The following VPS41 variants were observed in gnomAD, a reference collection of about 807,000 sequenced individuals.
The protein encoded by VPS41 is vacuolar protein sorting-associated protein 41 homolog.
Under a neutral mutation model 130.9 loss-of-function variants are expected in VPS41, and 85 were observed. That is an observed-to-expected ratio of 0.65 (90% CI 0.55 to 0.78). The LOEUF is 0.78. Ranked by LOEUF, VPS41 falls within the 30% of genes least tolerant of loss-of-function variation. The probability of loss-of-function intolerance (pLI) is 0.00; values close to 1 mark genes in which losing one functional copy is unlikely to be tolerated. For synonymous variants in VPS41, 335 were observed against 332.9 expected (o/e 1.01, Z -0.07); for missense variants, 874 against 1,018.7 (o/e 0.86, Z 1.93).
At chr7:38,897,664 A>C (rs1302590597) in intron 2 of VPS41, among the ~76,000 whole-genome samples, 10 of 148,812 alleles carry the variant, frequency 6.7e-5, no homozygotes, top group East Asian at 5.8e-4. Flanking sequence ...AAAAAAAAAG[A>C]AGCAAACTCC....
chr7:38,723,126 T>A lies in VPS41; in HGVS notation c.*3120A>T, dbSNP rs962573202. The stretch of plus-strand genomic sequence containing the variant: ...AAGTGTTTCATCTCTGTCGTCTTCA[T>A]ACTGAGTAGGCTGAGAAGGAGGAGG... On this transcript the variant is annotated 3_prime_UTR_variant, in exon 29 of 29. Coordinates refer to ENST00000310301, the MANE Select transcript of VPS41 (RefSeq NM_014396.4). The A allele has an allele frequency of 5.3e-5, 8 of 152,234 alleles. No homozygotes were observed. Among genetic ancestry groups the A allele is most frequent in the African/African-American group, 1.9e-4 (8 of 41,454 alleles). 9.4% of individuals were successfully genotyped at this position (152,234 alleles called of 1,614,324 possible).
At chr7:38,805,487 C>G (rs562177214) in intron 7 of VPS41, among the ~76,000 whole-genome samples, 4 of 151,662 alleles carry the variant, frequency 2.6e-5, no homozygotes, top group African/African-American at 7.3e-5. Context: ...GAGCCGAGAT[C>G]GCGCCACTGC....
At chr7:38,845,585 T>C (rs1269869840) in intron 4 of VPS41, among the ~76,000 whole-genome samples, 1 of 152,210 alleles carries the variant, frequency 6.6e-6, no homozygotes, top group African/African-American at 2.4e-5. Flanking sequence ...CTTGGACAAG[T>C]TGCACTGTGG....
intron 4 of VPS41, among the ~76,000 whole-genome samples, chr7:38,852,194 C>T (rs1202769446): frequency 6.6e-6 from 1 of 152,102 alleles, no homozygotes. Context: ...AATTAAGAAG[C>T]GAACACCACC....
Position 38,846,960 on chromosome 7 carries a change from A to G in VPS41, c.246+15585T>C, listed in dbSNP as rs1439075563. Among the ~76,000 whole-genome samples, 4 of 142,360 alleles carry G rather than the reference A, an allele frequency of 2.8e-5. No individual in the cohort carries two copies. The East Asian group carries it at 7.9e-4, about 28-fold the overall frequency. The allele number at this position is 142,360 out of a possible 152,430, so 93.4% of individuals were successfully genotyped here. A position where few individuals can be genotyped will look rare whatever the true frequency, so the allele number is the denominator to read the frequency against. ...GTCTGGAAACACAGTCTTTGCAACT[A>G]GGCAAAGTATGACTTTTTCTTGGGC... is the stretch of plus-strand genomic sequence containing the variant. On this transcript the variant is annotated intron_variant, in intron 4 of 28. Transcript: ENST00000310301.
rs1178410264 is a variant in VPS41 at position 38,774,229 on chromosome 7, C to T, written c.898G>A (p.Ala300Thr). 6.3e-7 allele frequency: 1 copy of T among 1,595,168 alleles called. No individual in the cohort carries two copies. The highest frequency in any genetic ancestry group is 1.7e-5 in the Admixed American group (1 of 59,078). The change falls in exon 12 of 29, where the codon GCC becomes ACC. Residue 300 changes from alanine to threonine, a missense_variant. By Grantham distance (58) the Ala-to-Thr change is moderately conservative (BLOSUM62 0). Transcript: ENST00000310301. ...ISEKTEREYC[A>T]RPRLDIIQPL... is the part of the protein sequence containing the mutation. Reference sequence around the variant, plus strand: ...TGGATGATGTCCAGTCTAGGCCTGGCACAGTATTCTCTTTCCTAGTGGGGG... The same window carrying T: ...TGGATGATGTCCAGTCTAGGCCTGGTACAGTATTCTCTTTCCTAGTGGGGG...
intron 14 of VPS41, among the ~76,000 whole-genome samples, chr7:38,769,357 T>C (rs1317590448): frequency 6.6e-6 from 1 of 152,224 alleles, no homozygotes; most frequent in Non-Finnish European, 1.5e-5. Context: ...AATATGAATA[T>C]GCTTAAGAAG....
Position 38,742,020 on chromosome 7 carries a change from A to C in VPS41, c.2224T>G (p.Ser742Ala). ...TAGTCTTGCAGAATTTTAACCAAGG[A>C]ATCTCTCAAATTGGGGATCTCCATT... ...EGMEIPNLRD[S>A]LVKILQDYNL... The change falls in exon 25 of 29, where the codon TCC (serine) becomes GCC (alanine). Residue 742 changes from serine to alanine, a missense_variant. Coordinates refer to ENST00000310301, the MANE Select transcript of VPS41 (RefSeq NM_014396.4). 1 of 1,613,238 alleles carries C rather than the reference A, an allele frequency of 6.2e-7. No individual in the cohort carries two copies.
intron 2 of VPS41, among the ~76,000 whole-genome samples, chr7:38,885,225 C>T (rs1378241571): frequency 6.6e-6 from 1 of 152,142 alleles, no homozygotes; most frequent in East Asian, 1.9e-4. Context: ...AGGCGCATGC[C>T]ACTATGCCCG....
intron 9 of VPS41, among the ~76,000 whole-genome samples, chr7:38,790,264 AAGCATTAGTCATTGTTCC>A: frequency 6.6e-6 from 1 of 151,234 alleles, no homozygotes. Flanking sequence ...AGGGGAAAAC[AAGCATTAGTCATTGTTCC>A]AGCACAAAGA....
chr7:38,886,874 C>G (rs1350995536), intron 2 of VPS41, among the ~76,000 whole-genome samples: 1 of 152,166 alleles, frequency 6.6e-6, no homozygotes, highest in Non-Finnish European at 1.5e-5. Context: ...CTGGTGACAC[C>G]TAGGCAAACA....
intron 2 of VPS41, among the ~76,000 whole-genome samples, chr7:38,886,638 C>A (rs1480760512): frequency 6.6e-6 from 1 of 152,232 alleles, no homozygotes; most frequent in African/African-American, 2.4e-5. Flanking sequence ...ACTTAAATGT[C>A]CCTGCCTCAC....
At chr7:38,844,542 T>A (rs1785682698) in intron 4 of VPS41, among the ~76,000 whole-genome samples, 1 of 152,108 alleles carries the variant, frequency 6.6e-6, no homozygotes, top group African/African-American at 2.4e-5. Context: ...AAAATAAAAA[T>A]CATCTGAGAA....
chr7:38,723,816 C>T lies in VPS41; in HGVS notation c.*2430G>A, dbSNP rs1043013114. On this transcript the variant is annotated 3_prime_UTR_variant, in exon 29 of 29. Coordinates refer to ENST00000310301, the MANE Select transcript of VPS41 (RefSeq NM_014396.4). The stretch of plus-strand genomic sequence containing the variant: ...TCCCCAAAACGAGGGGAATGGGTTT[C>T]CTTTTTACCTATATTTTAAATTGGG... 1.4e-5 allele frequency: 2 copies of T among 146,474 alleles called. No individual in the cohort carries two copies. Among genetic ancestry groups the T allele is most frequent in the Non-Finnish European group, 3.0e-5 (2 of 66,914 alleles). The allele number at this position is 146,474 out of a possible 1,614,324, so 9.1% of individuals were successfully genotyped here.
intron 14 of VPS41, among the ~76,000 whole-genome samples, chr7:38,767,818 G>T (rs1167393287): frequency 6.6e-6 from 1 of 151,584 alleles, no homozygotes; most frequent in Non-Finnish European, 1.5e-5. Context: ...CACAGGTCAG[G>T]TCATTAAAAA....
chr7:38,853,703 C>T (rs1483196558), intron 4 of VPS41, among the ~76,000 whole-genome samples: 1 of 152,150 alleles, frequency 6.6e-6, no homozygotes, highest in Admixed American at 6.5e-5. Flanking sequence ...CAACTAAGCC[C>T]CAGTCTACTA....
chr7:38,736,865 T>C (rs1370919454), intron 25 of VPS41, among the ~76,000 whole-genome samples: 3 of 152,204 alleles, frequency 2.0e-5, no homozygotes, highest in Non-Finnish European at 4.4e-5. Context: ...TTAAACCTAA[T>C]TATAGGGAGT....
intron 12 of VPS41, among the ~76,000 whole-genome samples, chr7:38,772,991 A>C (rs1317184541): frequency 6.6e-6 from 1 of 152,176 alleles, no homozygotes; most frequent in East Asian, 1.9e-4. Context: ...TCAGCTGAAA[A>C]AGTGTTAAAA....
chr7:38,739,930 T>A (rs1161466015), intron 25 of VPS41, among the ~76,000 whole-genome samples: 2 of 152,268 alleles, frequency 1.3e-5, no homozygotes. Context: ...ATTTTGCATC[T>A]AATAATAATT....
Sources: allele counts gnomAD v4.1 joint callset (sites outside exome capture counted in the v4.1 genomes callset), GRCh38; gene constraint gnomAD v4.1.1; transcripts MANE v1.5; gene names NCBI Gene and HGNC (gene_info 2026-07-23, HGNC 2026-07-21).